The following CNTN4 variants were observed in gnomAD, a reference collection of about 807,000 sequenced individuals.
The protein encoded by CNTN4 is contactin-4.
CNTN4 carries 77 observed loss-of-function variants against 122.5 expected under a neutral mutation model. That is an observed-to-expected ratio of 0.63 (90% CI 0.52 to 0.76). CNTN4 has a LOEUF of 0.76. CNTN4 is among the 30% of genes least tolerant of loss of function. CNTN4 has a pLI of 0.00. For synonymous variants in CNTN4, 512 were observed against 447.0 expected (o/e 1.15, Z -1.83); for missense variants, 1,256 against 1,259.1 (o/e 1.00, Z 0.04).
Position 2,997,556 on chromosome 3 carries a change from G to A in CNTN4, c.1486+9084G>A, listed in dbSNP as rs983484262. Reference sequence around the variant, plus strand: ...CAAAGAGGCAGTCCTACCAAATCACGACTGAATTTCTTTGGCTGTCGCAGG... The same window carrying A: ...CAAAGAGGCAGTCCTACCAAATCACAACTGAATTTCTTTGGCTGTCGCAGG... On this transcript the variant is annotated intron_variant, in intron 14 of 24. Coordinates refer to ENST00000418658, the MANE Select transcript of CNTN4 (RefSeq NM_175607.3). Among the ~76,000 whole-genome samples, 11 of 152,278 alleles carry A rather than the reference G, an allele frequency of 7.2e-5. No homozygotes were observed. In the South Asian group the frequency reaches 1.0e-3, roughly 14 times the overall value.
At chr3:2,120,396 TATA>T (rs2033677470) in intron 2 of CNTN4, among the ~76,000 whole-genome samples, 1 of 30,960 alleles carries the variant, frequency 3.2e-5, no homozygotes, top group African/African-American at 8.9e-5. Context: ...TATATATATA[TATA>T]TATATATTTT....
At chr3:2,735,996 C>T (rs746322571) in intron 4 of CNTN4, 3 of 664,676 alleles carry the variant, frequency 4.5e-6, no homozygotes, top group Non-Finnish European at 5.6e-6. Context: ...AAATTAGTGA[C>T]CAATGTGAAA....
At chr3:2,657,785 T>C (rs911505436) in intron 4 of CNTN4, among the ~76,000 whole-genome samples, 1 of 151,886 alleles carries the variant, frequency 6.6e-6, no homozygotes, top group African/African-American at 2.4e-5. Context: ...AATATATATG[T>C]TTATAAGAAA....
chr3:3,001,013 AG>A (rs1323983743), intron 14 of CNTN4, among the ~76,000 whole-genome samples: 5 of 152,122 alleles, frequency 3.3e-5, no homozygotes, highest in Non-Finnish European at 7.4e-5. Flanking sequence ...GTCCAATAAA[AG>A]TATCCGTTTT....
chr3:2,614,692 G>A (rs1332268685), intron 4 of CNTN4, among the ~76,000 whole-genome samples: 3 of 152,072 alleles, frequency 2.0e-5, no homozygotes, highest in Non-Finnish European at 1.5e-5. Context: ...GTTCACTGAG[G>A]AGAGAGAGCA....
intron 2 of CNTN4, among the ~76,000 whole-genome samples, chr3:2,131,730 T>C (rs1209319623): frequency 6.6e-6 from 1 of 152,214 alleles, no homozygotes; most frequent in Non-Finnish European, 1.5e-5. Flanking sequence ...TTTTTAAGTA[T>C]AATCCATTTT....
intron 4 of CNTN4, among the ~76,000 whole-genome samples, chr3:2,610,749 A>T (rs1015379395): frequency 6.6e-6 from 1 of 152,200 alleles, no homozygotes; most frequent in Non-Finnish European, 1.5e-5. Flanking sequence ...TTTAAAAACT[A>T]TAAACATACA....
intron 4 of CNTN4, among the ~76,000 whole-genome samples, chr3:2,685,986 A>G (rs57336068): frequency 1.3e-5 from 2 of 152,170 alleles, no homozygotes; most frequent in African/African-American, 4.8e-5. Context: ...CAATTACCCA[A>G]GTTGTATTTC....
At chr3:2,490,960 G>T (rs1381264043) in intron 3 of CNTN4, among the ~76,000 whole-genome samples, 1 of 152,122 alleles carries the variant, frequency 6.6e-6, no homozygotes, top group Non-Finnish European at 1.5e-5. Flanking sequence ...TAGATCTAGA[G>T]ATCAAGATAC....
At chr3:2,360,235 A>C (rs1416598799) in intron 3 of CNTN4, among the ~76,000 whole-genome samples, 1 of 152,188 alleles carries the variant, frequency 6.6e-6, no homozygotes, top group Non-Finnish European at 1.5e-5. Flanking sequence ...GAGAACTTCT[A>C]AACAGAAGGT....
chr3:2,623,231 AT>A (rs11315990), intron 4 of CNTN4, among the ~76,000 whole-genome samples: 21,359 of 146,594 alleles, frequency 0.15, 2,930 homozygotes, highest in African/African-American at 0.36. Context: ...ATGGAGACTA[AT>A]TTTTTTTTTT....
At chr3:2,131,252 G>A (rs1018846805) in intron 2 of CNTN4, among the ~76,000 whole-genome samples, 3 of 152,088 alleles carry the variant, frequency 2.0e-5, no homozygotes, top group African/African-American at 4.8e-5. Flanking sequence ...CAACTAAGTC[G>A]AATTAGACAC....
chr3:2,270,119 T>G (rs2041227344), intron 2 of CNTN4, among the ~76,000 whole-genome samples: 1 of 91,670 alleles, frequency 1.1e-5, no homozygotes, highest in African/African-American at 3.4e-5. Context: ...CCGGCTAATT[T>G]TTTGTATTTT....
At chr3:2,854,175 T>C (rs145069471) in intron 7 of CNTN4, among the ~76,000 whole-genome samples, 2,080 of 152,180 alleles carry the variant, frequency 0.014, 59 homozygotes, top group African/African-American at 0.047. Context: ...GCTTTTGTTA[T>C]TGGTTTCACA....
chr3:2,705,836 AAT>A (rs1160565229), intron 4 of CNTN4, among the ~76,000 whole-genome samples: 1 of 105,058 alleles, frequency 9.5e-6, no homozygotes, highest in Non-Finnish European at 1.7e-5. Flanking sequence ...AAATATATAT[AAT>A]ATATAATATA....
intron 2 of CNTN4, among the ~76,000 whole-genome samples, chr3:2,213,831 G>T (rs1298397379): frequency 6.8e-6 from 1 of 147,814 alleles, no homozygotes; most frequent in Non-Finnish European, 1.5e-5. Context: ...ATGTGTTTTT[G>T]TTGTTGTTGT....
chr3:2,726,790 G>T (rs142910562), intron 4 of CNTN4, among the ~76,000 whole-genome samples: 53 of 152,298 alleles, frequency 3.5e-4, no homozygotes, highest in African/African-American at 1.2e-3. Flanking sequence ...ACCACAGCAT[G>T]TGCAATACGT....
chr3:3,056,154 G>A lies in CNTN4; in HGVS notation c.3015G>A (p.Ser1005=), dbSNP rs953937528. The change falls in exon 25 of 25, where the codon TCG becomes TCA. Residue 1005 remains serine (S), a synonymous_variant. Transcript: ENST00000418658. ...CGAGAGGATCTGGGGCTTCCACTTC[G>A]AATGCATGTACGCTGTCAGCCATCA... ...AYARGSGAST[S]NACTLSAIST... 5.6e-6 allele frequency: 9 copies of A among 1,614,044 alleles called. No individual in the cohort carries two copies. The highest frequency in any genetic ancestry group is 5.9e-6 in the Non-Finnish European group (7 of 1,179,954).
chr3:2,305,759 G>T (rs1332604684), intron 2 of CNTN4, among the ~76,000 whole-genome samples: 3 of 151,982 alleles, frequency 2.0e-5, no homozygotes, highest in Non-Finnish European at 2.9e-5. Context: ...AAAACCAAAG[G>T]AAACCCAGGA....
Sources: gnomAD v4.1 joint callset for allele counts (sites outside exome capture counted in the v4.1 genomes callset) on GRCh38, gnomAD v4.1.1 for gene constraint, MANE v1.5 for transcripts, NCBI Gene and HGNC (gene_info 2026-07-23, HGNC 2026-07-21) for gene names.